Variants in NELL1 observed in about 807,000 individuals in gnomAD.
NELL1 encodes protein kinase C-binding protein NELL1.
In NELL1, 76 loss-of-function variants were observed where a neutral mutation model predicts 107.4. That is an observed-to-expected ratio of 0.71 (90% CI 0.59 to 0.86). The LOEUF is 0.86. Among genes scored for constraint, NELL1 ranks in the 40% least tolerant of loss-of-function variants. NELL1 has a pLI of 0.00. For missense variants in NELL1, 1,024 were observed against 1,005.5 expected (o/e 1.02, Z -0.25); for synonymous variants, 353 against 341.2 (o/e 1.03, Z -0.38).
chr11:21,439,469 A>G lies in NELL1; in HGVS notation c.1645+68521A>G, dbSNP rs547048972. Among the ~76,000 whole-genome samples the G allele has an allele frequency of 5.3e-5, 8 of 152,274 alleles. No homozygotes were observed. The South Asian group carries it at 1.7e-3, about 32-fold the overall frequency. ...TCACTGACTGGAACAGTGTCTACAG[A>G]TGGGAGTCATATGGCAAGAGCAAAG... On this transcript the variant is annotated intron_variant, in intron 15 of 19. Coordinates refer to ENST00000357134, the MANE Select transcript of NELL1 (RefSeq NM_006157.5).
At chr11:20,756,137 C>T (rs962797798) in intron 2 of NELL1, among the ~76,000 whole-genome samples, 37 of 152,066 alleles carry the variant, frequency 2.4e-4, no homozygotes, top group Admixed American at 1.3e-4. Context: ...GCCTCGGCCC[C>T]CCAAAGTGCT....
At chr11:21,270,368 G>T (rs1848716256) in intron 14 of NELL1, among the ~76,000 whole-genome samples, 1 of 152,040 alleles carries the variant, frequency 6.6e-6, no homozygotes, top group Non-Finnish European at 1.5e-5. Context: ...ATACTAAAAT[G>T]AAATCAGAAT....
intron 15 of NELL1, among the ~76,000 whole-genome samples, chr11:21,428,513 C>T (rs1852888425): frequency 6.6e-6 from 1 of 152,148 alleles, no homozygotes; most frequent in Non-Finnish European, 1.5e-5. Context: ...ATTTCTTCCA[C>T]TTCCCTGCAA....
intron 15 of NELL1, among the ~76,000 whole-genome samples, chr11:21,493,159 A>C (rs563599837): frequency 1.1e-4 from 17 of 152,124 alleles, no homozygotes; most frequent in Non-Finnish European, 1.9e-4. Flanking sequence ...TAGTAAAACC[A>C]CTATGGAGAA....
rs925400926 is a variant in NELL1 at position 21,064,848 on chromosome 11, T to C, written c.1301-48741T>C. Among the ~76,000 whole-genome samples the C allele has an allele frequency of 3.9e-5, 6 of 152,334 alleles. No individual in the cohort carries two copies. In the East Asian group the frequency reaches 1.2e-3, roughly 29 times the overall value. On this transcript the variant is annotated intron_variant, in intron 12 of 19. Transcript: ENST00000357134. The stretch of plus-strand genomic sequence containing the variant: ...TGTAAAGCAGTTTAATAATTTTGCT[T>C]GTGAAATTATTTGACCTGGATTACC...
chr11:20,691,770 C>T (rs1395253274), intron 2 of NELL1, among the ~76,000 whole-genome samples: 4 of 151,928 alleles, frequency 2.6e-5, no homozygotes, highest in Admixed American at 2.6e-4. Flanking sequence ...CTCTGACCGG[C>T]TTTGGTATCA....
chr11:21,482,127 A>G (rs1485272930), intron 15 of NELL1, among the ~76,000 whole-genome samples: 1 of 152,246 alleles, frequency 6.6e-6, no homozygotes, highest in Non-Finnish European at 1.5e-5. Flanking sequence ...GAATTGACAG[A>G]AAGATTAAAA....
chr11:21,222,116 T>G (rs1857772105), intron 13 of NELL1, among the ~76,000 whole-genome samples: 1 of 152,178 alleles, frequency 6.6e-6, no homozygotes, highest in Non-Finnish European at 1.5e-5. Flanking sequence ...GTTTGTTGAT[T>G]TTGTTTATCT....
chr11:21,099,897 G>GAT, intron 12 of NELL1, among the ~76,000 whole-genome samples: 1 of 152,126 alleles, frequency 6.6e-6, no homozygotes, highest in East Asian at 1.9e-4. Flanking sequence ...ACTTTACTGA[G>GAT]ATATAACTCA....
intron 12 of NELL1, among the ~76,000 whole-genome samples, chr11:21,098,833 TC>T (rs1854722431): frequency 1.3e-5 from 2 of 152,254 alleles, no homozygotes; most frequent in South Asian, 4.1e-4. Flanking sequence ...TGTCTGCCTC[TC>T]GTGTATGTGT....
chr11:21,136,627 A>C (rs1855749766), intron 13 of NELL1, among the ~76,000 whole-genome samples: 1 of 152,182 alleles, frequency 6.6e-6, no homozygotes, highest in African/African-American at 2.4e-5. Context: ...AAACTGAGTC[A>C]TTTGCAAATA....
At chr11:21,561,267 A>G (rs986826167) in intron 17 of NELL1, among the ~76,000 whole-genome samples, 2 of 152,028 alleles carry the variant, frequency 1.3e-5, no homozygotes, top group Non-Finnish European at 2.9e-5. Flanking sequence ...GCCTTAAGAA[A>G]TCATCCAGTT....
chr11:21,390,648 G>A (rs1851853807), intron 15 of NELL1, among the ~76,000 whole-genome samples: 1 of 151,718 alleles, frequency 6.6e-6, no homozygotes, highest in African/African-American at 2.4e-5. Context: ...GAGCTATGAA[G>A]TTGGCTATTA....
At chr11:21,522,703 A>C (rs1391223768) in intron 15 of NELL1, among the ~76,000 whole-genome samples, 1 of 152,030 alleles carries the variant, frequency 6.6e-6, no homozygotes, top group Non-Finnish European at 1.5e-5. Flanking sequence ...GTACCCCATA[A>C]ATTTATACAA....
At position 20,810,385 on chromosome 11, in the gene NELL1, C is replaced by T. The variant is rs138717735; in HGVS notation, c.335+26555C>T. Among the ~76,000 whole-genome samples, 12 of 152,218 alleles carry T rather than the reference C, an allele frequency of 7.9e-5. No individual in the cohort carries two copies. In the East Asian group the frequency reaches 2.1e-3, roughly 27 times the overall value. ...TCCCTCACCCCCTCTCACTCGTCTC[C>T]CCAAGTCCGCAAAGTCCATTGTATT... On this transcript the variant is annotated intron_variant, in intron 3 of 19. Transcript: ENST00000357134.
At chr11:21,013,832 T>A (rs1313128086) in intron 12 of NELL1, among the ~76,000 whole-genome samples, 1 of 152,156 alleles carries the variant, frequency 6.6e-6, no homozygotes, top group African/African-American at 2.4e-5. Context: ...CTACCACTTA[T>A]ATTTAGTCAT....
intron 15 of NELL1, among the ~76,000 whole-genome samples, chr11:21,411,259 A>G (rs1173472552): frequency 2.0e-5 from 3 of 152,202 alleles, no homozygotes; most frequent in South Asian, 2.1e-4. Context: ...CCTGCCATAT[A>G]TAGAAAGAGA....
intron 2 of NELL1, among the ~76,000 whole-genome samples, chr11:20,761,160 T>G (rs1856411308): frequency 6.6e-6 from 1 of 152,206 alleles, no homozygotes; most frequent in Non-Finnish European, 1.5e-5. Flanking sequence ...ACATAACCAC[T>G]GTTGGGTTGC....
Position 21,118,027 on chromosome 11 carries a change from T to C in NELL1, c.1426+4313T>C, listed in dbSNP as rs189703570. Among the ~76,000 whole-genome samples the C allele has an allele frequency of 2.0e-3, 304 of 152,182 alleles. 2 individuals carry two copies. Among genetic ancestry groups the C allele is most frequent in the Admixed American group, 3.5e-3 (54 of 15,260 alleles). ...TAACAGATTGCCAACAAATATGGTT[T>C]ATTTTGACATGAGTAGCTGTTGATT... On this transcript the variant is annotated intron_variant, in intron 13 of 19. Transcript: ENST00000357134.
Sources: gnomAD v4.1 joint callset for allele counts (sites outside exome capture counted in the v4.1 genomes callset) on GRCh38, gnomAD v4.1.1 for gene constraint, MANE v1.5 for transcripts, NCBI Gene and HGNC (gene_info 2026-07-23, HGNC 2026-07-21) for gene names.